Variants in CCDC102B observed in about 807,000 individuals in gnomAD.
The protein encoded by CCDC102B is coiled-coil domain-containing protein 102B.
Under a neutral mutation model 57.4 loss-of-function variants are expected in CCDC102B, and 75 were observed. That is an observed-to-expected ratio of 1.31 (90% CI 1.08 to 1.58). The LOEUF is 1.58. Among genes scored for constraint, CCDC102B ranks in the 40% most tolerant of loss-of-function variants. CCDC102B has a pLI of 0.00. For missense variants in CCDC102B, 636 were observed against 582.6 expected (o/e 1.09, Z -0.94); for synonymous variants, 206 against 201.9 (o/e 1.02, Z -0.17).
At chr18:68,847,856 G>A (rs899880264) in intron 4 of CCDC102B, among the ~76,000 whole-genome samples, 17 of 151,628 alleles carry the variant, frequency 1.1e-4, no homozygotes, top group Admixed American at 9.2e-4. Flanking sequence ...GTAAAATTTT[G>A]TAGACATTGA....
intron 5 of CCDC102B, among the ~76,000 whole-genome samples, chr18:68,894,658 A>G (rs1051917529): frequency 1.1e-4 from 17 of 151,870 alleles, no homozygotes; most frequent in African/African-American, 2.9e-4. Flanking sequence ...AAACAGTTTT[A>G]CAAAATAAAA....
At chr18:68,879,587 C>T (rs906247922) in intron 5 of CCDC102B, among the ~76,000 whole-genome samples, 2 of 151,920 alleles carry the variant, frequency 1.3e-5, no homozygotes, top group African/African-American at 2.4e-5. Context: ...AAGGCCCCAC[C>T]AGAGTAGCTA....
At chr18:68,757,658 A>G (rs1203885454) in intron 2 of CCDC102B, among the ~76,000 whole-genome samples, 1 of 152,166 alleles carries the variant, frequency 6.6e-6, no homozygotes, top group East Asian at 1.9e-4. Context: ...TTCCTCACAC[A>G]TTAAACATTA....
rs114800805 is a variant in CCDC102B at position 69,007,729 on chromosome 18, C to A, written c.1264-3205C>A. On this transcript the variant is annotated intron_variant, in intron 6 of 7. Coordinates refer to ENST00000360242, the MANE Select transcript of CCDC102B (RefSeq NM_024781.3). Reference sequence around the variant, plus strand: ...ATATAGTTTGACAAAAGCATACATACCTCCTAGGCCTGAGAATAAGTTGAT... The same window carrying A: ...ATATAGTTTGACAAAAGCATACATAACTCCTAGGCCTGAGAATAAGTTGAT... Among the ~76,000 whole-genome samples, 700 of 152,284 alleles carry A rather than the reference C, an allele frequency of 4.6e-3. 12 individuals carry two copies. Among genetic ancestry groups the A allele is most frequent in the African/African-American group, 0.015 (641 of 41,548 alleles).
chr18:68,728,868 A>G (rs1461039232), intron 2 of CCDC102B, among the ~76,000 whole-genome samples: 2 of 152,160 alleles, frequency 1.3e-5, no homozygotes, highest in Non-Finnish European at 2.9e-5. Context: ...AAAAAGAGAA[A>G]GGGGTAGTGT....
chr18:68,990,170 C>G (rs2050827482), intron 6 of CCDC102B, among the ~76,000 whole-genome samples: 2 of 152,198 alleles, frequency 1.3e-5, no homozygotes, highest in South Asian at 4.1e-4. Flanking sequence ...CTCTGTCCCC[C>G]AAACTCCTAG....
At chr18:68,886,478 A>G (rs189437829) in intron 5 of CCDC102B, among the ~76,000 whole-genome samples, 14 of 152,276 alleles carry the variant, frequency 9.2e-5, no homozygotes, top group East Asian at 5.8e-4. Flanking sequence ...GTTGAACTCA[A>G]TGTTAACATG....
intron 6 of CCDC102B, among the ~76,000 whole-genome samples, chr18:68,959,784 A>G (rs2050000244): frequency 1.3e-5 from 2 of 152,006 alleles, no homozygotes; most frequent in Non-Finnish European, 2.9e-5. Flanking sequence ...CCCCTGGCTC[A>G]TGGTGTGTAT....
chr18:68,889,885 A>G (rs1039805120), intron 5 of CCDC102B, among the ~76,000 whole-genome samples: 1 of 152,308 alleles, frequency 6.6e-6, no homozygotes, highest in Non-Finnish European at 1.5e-5. Flanking sequence ...TACTGTTCCT[A>G]TAGTATTTTG....
chr18:68,781,153 C>T (rs1449396033), intron 2 of CCDC102B, among the ~76,000 whole-genome samples: 2 of 151,934 alleles, frequency 1.3e-5, no homozygotes, highest in Admixed American at 6.6e-5. Context: ...ATGAAAAGTA[C>T]AAAACAAAAT....
At chr18:68,828,147 T>C (rs915687760) in intron 1 of CCDC102B, among the ~76,000 whole-genome samples, 1 of 151,520 alleles carries the variant, frequency 6.6e-6, no homozygotes, top group Admixed American at 6.6e-5. Context: ...CAGAAATCTC[T>C]CTCAACAACT....
chr18:68,782,964 G>C (rs939718235), intron 2 of CCDC102B, among the ~76,000 whole-genome samples: 2 of 152,086 alleles, frequency 1.3e-5, no homozygotes, highest in African/African-American at 4.8e-5. Flanking sequence ...TGTTACTATT[G>C]TTATTATACC....
chr18:69,039,013 TCA>T (rs951684688), intron 7 of CCDC102B, among the ~76,000 whole-genome samples: 2 of 152,006 alleles, frequency 1.3e-5, no homozygotes, highest in African/African-American at 4.8e-5. Context: ...CATATTTTTA[TCA>T]CCTTTTATCA....
At position 68,807,198 on chromosome 18, in the gene CCDC102B, G is replaced by A. The variant is rs536725456; in HGVS notation, c.-16+9017G>A. Among the ~76,000 whole-genome samples the A allele has an allele frequency of 7.9e-5, 12 of 152,140 alleles. No homozygotes were observed. In the South Asian group the frequency reaches 2.5e-3, roughly 32 times the overall value. On this transcript the variant is annotated intron_variant, in intron 1 of 7. Coordinates refer to ENST00000360242, the MANE Select transcript of CCDC102B (RefSeq NM_024781.3). ...GATACTGAGAAGTATGTTAAAGATG[G>A]TGGCCTCTAGAAACAACTGGGACCA...
At chr18:68,808,634 C>T (rs1204309817) in intron 1 of CCDC102B, among the ~76,000 whole-genome samples, 2 of 151,904 alleles carry the variant, frequency 1.3e-5, no homozygotes, top group East Asian at 1.9e-4. Flanking sequence ...CCCGCCACCA[C>T]GCCCGGATAA....
chr18:68,946,475 T>G (rs2049541982), intron 6 of CCDC102B, among the ~76,000 whole-genome samples: 2 of 152,070 alleles, frequency 1.3e-5, no homozygotes, highest in African/African-American at 4.8e-5. Flanking sequence ...GATTTGGTCA[T>G]TATTTCAATA....
intron 6 of CCDC102B, among the ~76,000 whole-genome samples, chr18:68,914,010 A>G (rs1283859663): frequency 6.6e-6 from 1 of 152,222 alleles, no homozygotes; most frequent in Non-Finnish European, 1.5e-5. Flanking sequence ...AGGAGCACAT[A>G]TATTTTAAAA....
chr18:68,750,964 CA>C (rs1218285398), intron 2 of CCDC102B, among the ~76,000 whole-genome samples: 2 of 144,070 alleles, frequency 1.4e-5, no homozygotes, highest in African/African-American at 5.8e-5. Context: ...TAAAAAAAAA[CA>C]AAAACAAAGA....
chr18:68,859,986 TAA>T (rs372818332), intron 4 of CCDC102B, among the ~76,000 whole-genome samples: 7,748 of 76,234 alleles, frequency 0.1, 580 homozygotes, highest in Middle Eastern at 0.19. Context: ...CATGCTGCTA[TAA>T]AGACACATGC....
Sources: allele counts gnomAD v4.1 joint callset (sites outside exome capture counted in the v4.1 genomes callset), GRCh38; gene constraint gnomAD v4.1.1; transcripts MANE v1.5; gene names NCBI Gene and HGNC (gene_info 2026-07-23, HGNC 2026-07-21).